Variants in FBXL7 observed in about 807,000 individuals in gnomAD.
The protein encoded by FBXL7 is F-box/LRR-repeat protein 7.
Under a neutral mutation model 38.3 loss-of-function variants are expected in FBXL7, and 12 were observed. The ratio of observed to expected loss-of-function variants is 0.31; its 90% CI spans 0.20 to 0.51. The LOEUF is 0.51. Among genes scored for constraint, FBXL7 ranks in the 20% least tolerant of loss-of-function variants. The pLI, the probability that FBXL7 is intolerant of heterozygous loss-of-function variation, is 0.98. For synonymous variants in FBXL7, 297 were observed against 300.9 expected (o/e 0.99, Z 0.13); for missense variants, 567 against 676.4 (o/e 0.84, Z 1.79).
intron 2 of FBXL7, among the ~76,000 whole-genome samples, chr5:15,803,807 G>T (rs1214246138): frequency 6.6e-6 from 1 of 152,100 alleles, no homozygotes. Context: ...CTTTACCAGG[G>T]CAAGGACTCT....
At chr5:15,785,573 C>T (rs1737113331) in intron 2 of FBXL7, among the ~76,000 whole-genome samples, 1 of 152,198 alleles carries the variant, frequency 6.6e-6, no homozygotes, top group African/African-American at 2.4e-5. Context: ...TCACCTCCCT[C>T]CTCCATCCCC....
chr5:15,819,712 T>G (rs1738119450), intron 2 of FBXL7, among the ~76,000 whole-genome samples: 1 of 152,138 alleles, frequency 6.6e-6, no homozygotes, highest in African/African-American at 2.4e-5. Context: ...AGTTTGCAAA[T>G]TAAAGATTCT....
chr5:15,850,671 G>A (rs972843539), intron 2 of FBXL7, among the ~76,000 whole-genome samples: 1 of 152,266 alleles, frequency 6.6e-6, no homozygotes, highest in South Asian at 2.1e-4. Context: ...GCAGGGCAGC[G>A]CCCACTCATT....
At chr5:15,854,937 T>C (rs1739211279) in intron 2 of FBXL7, among the ~76,000 whole-genome samples, 1 of 152,218 alleles carries the variant, frequency 6.6e-6, no homozygotes, top group Admixed American at 6.5e-5. Context: ...TTCATTAATG[T>C]GTTTTTGAAT....
intron 2 of FBXL7, among the ~76,000 whole-genome samples, chr5:15,713,109 C>A (rs1010858721): frequency 6.6e-6 from 1 of 152,072 alleles, no homozygotes; most frequent in African/African-American, 2.4e-5. Flanking sequence ...TGAGACCGGG[C>A]AATTTATGAA....
At chr5:15,773,851 C>T (rs1736792542) in intron 2 of FBXL7, among the ~76,000 whole-genome samples, 1 of 152,056 alleles carries the variant, frequency 6.6e-6, no homozygotes. Context: ...AGAATATATT[C>T]ACTGGATGCC....
chr5:15,784,756 G>C (rs1212869878), intron 2 of FBXL7, among the ~76,000 whole-genome samples: 1 of 152,100 alleles, frequency 6.6e-6, no homozygotes, highest in East Asian at 1.9e-4. Context: ...CCTCCTAGAA[G>C]CCGAGCAGAT....
At chr5:15,641,985 G>C (rs886088910) in intron 2 of FBXL7, among the ~76,000 whole-genome samples, 4 of 135,102 alleles carry the variant, frequency 3.0e-5, no homozygotes, top group African/African-American at 1.1e-4. Flanking sequence ...GTGTGTGTGT[G>C]TCCTATTGGT....
At chr5:15,634,508 G>T (rs557428105) in intron 2 of FBXL7, among the ~76,000 whole-genome samples, 10 of 149,002 alleles carry the variant, frequency 6.7e-5, no homozygotes, top group East Asian at 4.6e-4. Context: ...TTTTAGTTGG[G>T]GGGGGGGTTT....
chr5:15,712,686 AAAAAG>A (rs928153943), intron 2 of FBXL7, among the ~76,000 whole-genome samples: 6 of 152,058 alleles, frequency 3.9e-5, no homozygotes, highest in Non-Finnish European at 8.8e-5. Context: ...AATTTAAAAA[AAAAAG>A]AAAAGAAAAG....
At chr5:15,605,112 T>C (rs1350356344) in intron 1 of FBXL7, among the ~76,000 whole-genome samples, 1 of 152,194 alleles carries the variant, frequency 6.6e-6, no homozygotes. Context: ...ATCCTGGGGC[T>C]GCAGCAGGGC....
intron 2 of FBXL7, among the ~76,000 whole-genome samples, chr5:15,645,215 A>C (rs1741492694): frequency 6.6e-6 from 1 of 152,156 alleles, no homozygotes; most frequent in African/African-American, 2.4e-5. Context: ...GGACTGTGAA[A>C]GGAAAATAAA....
intron 2 of FBXL7, among the ~76,000 whole-genome samples, chr5:15,824,327 C>G (rs1738251420): frequency 6.6e-6 from 1 of 151,434 alleles, no homozygotes; most frequent in Non-Finnish European, 1.5e-5. Context: ...AAACGTGGAC[C>G]ATTTTCACTG....
At chr5:15,764,141 A>C (rs1311914150) in intron 2 of FBXL7, among the ~76,000 whole-genome samples, 1 of 152,222 alleles carries the variant, frequency 6.6e-6, no homozygotes, top group Non-Finnish European at 1.5e-5. Context: ...TTAAGTTGAC[A>C]TCTAAAATTC....
At chr5:15,772,470 G>A (rs1011763109) in intron 2 of FBXL7, among the ~76,000 whole-genome samples, 6 of 152,172 alleles carry the variant, frequency 3.9e-5, no homozygotes, top group African/African-American at 1.2e-4. Context: ...AAAGTAAAAG[G>A]CCTTATGTAC....
intron 1 of FBXL7, among the ~76,000 whole-genome samples, chr5:15,528,180 CG>C (rs1247325794): frequency 1.3e-5 from 2 of 152,096 alleles, no homozygotes; most frequent in African/African-American, 2.4e-5. Context: ...GGAAGAGTAT[CG>C]GGGACCCTCC....
rs147268725 is a variant in FBXL7 at position 15,856,906 on chromosome 5, C to A, written c.128-70984C>A. 4.1e-3 allele frequency among the ~76,000 whole-genome samples: 629 copies of A among 152,192 alleles called. 3 individuals carry two copies. The highest frequency in any genetic ancestry group is 0.014 in the Middle Eastern group (4 of 294). On this transcript the variant is annotated intron_variant, in intron 2 of 3. Coordinates refer to ENST00000504595, the MANE Select transcript of FBXL7 (RefSeq NM_012304.5). ...GTTACTAATAAATGCATATTGCGGT[C>A]ATTTTTAAACATGTTTTAATAAACA...
At chr5:15,790,113 T>C (rs1279268215) in intron 2 of FBXL7, among the ~76,000 whole-genome samples, 9 of 152,232 alleles carry the variant, frequency 5.9e-5, no homozygotes, top group African/African-American at 2.2e-4. Context: ...TTTTTAAGTA[T>C]ACAACCTGAT....
At chr5:15,776,185 G>A (rs925333836) in intron 2 of FBXL7, among the ~76,000 whole-genome samples, 2 of 151,906 alleles carry the variant, frequency 1.3e-5, no homozygotes, top group South Asian at 2.1e-4. Context: ...GGTAGATGCC[G>A]GCCAACATTC....
Sources: allele counts gnomAD v4.1 joint callset (sites outside exome capture counted in the v4.1 genomes callset), GRCh38; gene constraint gnomAD v4.1.1; transcripts MANE v1.5; gene names NCBI Gene and HGNC (gene_info 2026-07-23, HGNC 2026-07-21).